Variants in DYNC1I2 observed in about 807,000 individuals in gnomAD.
DYNC1I2 encodes the protein dynein cytoplasmic 1 intermediate chain 2.
A neutral mutation model predicts 88.6 loss-of-function variants in DYNC1I2; 53 were observed. The observed-to-expected ratio is 0.60, with a 90% CI of 0.48 to 0.75. The LOEUF is 0.75. Ranked by LOEUF, DYNC1I2 falls within the 30% of genes least tolerant of loss-of-function variation. The pLI, the probability that DYNC1I2 is intolerant of heterozygous loss-of-function variation, is 0.00. For missense variants in DYNC1I2, 458 were observed against 766.6 expected, an observed-to-expected ratio of 0.60 and a Z score of 4.75; for synonymous variants, 198 against 254.6, an observed-to-expected ratio of 0.78 and a Z score of 2.12.
At chr2:171,736,986 TA>T (rs1689053904) in intron 15 of DYNC1I2, among the ~76,000 whole-genome samples, 1 of 152,226 alleles carries the variant, frequency 6.6e-6, no homozygotes, top group Non-Finnish European at 1.5e-5. Context: ...CATAACAAAT[TA>T]CCACAAACTG....
intron 15 of DYNC1I2, among the ~76,000 whole-genome samples, chr2:171,737,229 G>A (rs778925466): frequency 2.0e-5 from 3 of 151,970 alleles, no homozygotes; most frequent in African/African-American, 4.8e-5. Context: ...GTTTGTGTCC[G>A]AATTTTTCTC....
chr2:171,708,856 C>T (rs1686886615), intron 5 of DYNC1I2, among the ~76,000 whole-genome samples: 1 of 151,994 alleles, frequency 6.6e-6, no homozygotes, highest in Non-Finnish European at 1.5e-5. Context: ...TCATGCCTGG[C>T]TAATTTTTGT....
chr2:171,742,059 C>T (rs1269915332), intron 15 of DYNC1I2, among the ~76,000 whole-genome samples: 8 of 131,212 alleles, frequency 6.1e-5, no homozygotes, highest in South Asian at 2.8e-4. Flanking sequence ...GAGCGAGACG[C>T]GGTCTCAGAA....
intron 4 of DYNC1I2, 193 bp from the exon 5 acceptor site, chr2:171,707,094 G>T: frequency 1.3e-6 from 1 of 744,124 alleles, no homozygotes; most frequent in Non-Finnish European, 2.2e-6. Context: ...TGAATCTTCA[G>T]CATGCATTGT....
intron 15 of DYNC1I2, among the ~76,000 whole-genome samples, chr2:171,730,992 A>G (rs1688566411): frequency 6.6e-6 from 1 of 152,142 alleles, no homozygotes; most frequent in South Asian, 2.1e-4. Context: ...AAAATTGAGC[A>G]TTTTCAGGTT....
chr2:171,717,393 G>A (rs1687582086), intron 7 of DYNC1I2, among the ~76,000 whole-genome samples: 1 of 152,082 alleles, frequency 6.6e-6, no homozygotes, highest in South Asian at 2.1e-4. Context: ...GGGATTACAG[G>A]TGTGAGCTAC....
In DYNC1I2 at chr2:171,706,530, TTGTC is replaced by T. The variant is rs764771021; in HGVS notation, c.227-13_227-10del. On this transcript the variant is annotated splice_polypyrimidine_tract_variant and intron_variant, in intron 3 of 17. Coordinates refer to ENST00000397119, the MANE Select transcript of DYNC1I2 (RefSeq NM_001378.3). ...AAGAATATTTTGGGTGTCTGTATCT[TTGTC>T]TGTACACTTCAGTTTTTTCTGAATA... 20 of 1,610,052 alleles carry T rather than the reference TTGTC, an allele frequency of 1.2e-5. No individual in the cohort carries two copies. Among genetic ancestry groups the T allele is most frequent in the Non-Finnish European group, 1.6e-5 (19 of 1,177,152 alleles).
Position 171,748,589 on chromosome 2 carries a change from A to G in DYNC1I2, c.*700A>G, listed in dbSNP as rs1192817630. Among the ~76,000 whole-genome samples the G allele has an allele frequency of 1.3e-4, 20 of 152,202 alleles. No homozygotes were observed. Among genetic ancestry groups the G allele is most frequent in the Non-Finnish European group, 1.5e-5 (1 of 68,016 alleles). ...CTATAGATCTCCCAGTGCATTATGA[A>G]TTGATGTCTAGATAATCTGTTGGTG... On this transcript the variant is annotated 3_prime_UTR_variant, in exon 18 of 18. Coordinates refer to ENST00000397119, the MANE Select transcript of DYNC1I2 (RefSeq NM_001378.3).
intron 7 of DYNC1I2, among the ~76,000 whole-genome samples, chr2:171,717,245 C>G (rs1427553421): frequency 6.7e-6 from 1 of 149,778 alleles, no homozygotes; most frequent in African/African-American, 2.5e-5. Flanking sequence ...TCCTGAGTAG[C>G]TGGGATTACA....
intron 6 of DYNC1I2, among the ~76,000 whole-genome samples, chr2:171,713,627 T>G (rs1421306418): frequency 6.6e-6 from 1 of 152,178 alleles, no homozygotes; most frequent in Non-Finnish European, 1.5e-5. Flanking sequence ...TTCAGTTATT[T>G]ATTCTAGATT....
chr2:171,706,654 C>A, intron 4 of DYNC1I2, 90 bp downstream of exon 4: 2 of 1,243,448 alleles, frequency 1.6e-6, no homozygotes, highest in Non-Finnish European at 2.3e-6. Context: ...TGTTTTATTG[C>A]CTGTTTGCAT....
chr2:171,740,060 CTT>C (rs1002808196), intron 15 of DYNC1I2, among the ~76,000 whole-genome samples: 1 of 151,888 alleles, frequency 6.6e-6, no homozygotes, highest in Admixed American at 6.6e-5. Context: ...TTGCATCCCT[CTT>C]TTTTTTCTTG....
intron 15 of DYNC1I2, among the ~76,000 whole-genome samples, chr2:171,733,740 GT>G (rs530153938): frequency 6.9e-6 from 1 of 145,866 alleles, no homozygotes; most frequent in East Asian, 2.0e-4. Context: ...TTACTCAATA[GT>G]TTTTTTTGTT....
At chr2:171,697,650 C>G (rs1559365331) in intron 3 of DYNC1I2, among the ~76,000 whole-genome samples, 1 of 150,940 alleles carries the variant, frequency 6.6e-6, no homozygotes, top group African/African-American at 2.4e-5. Flanking sequence ...GAGTTCAAGA[C>G]TAGCGTGGGC....
chr2:171,712,030 C>G (rs1299525090), intron 5 of DYNC1I2, among the ~76,000 whole-genome samples: 2 of 152,160 alleles, frequency 1.3e-5, no homozygotes, highest in Non-Finnish European at 2.9e-5. Context: ...AGTTACTTAG[C>G]CAGCAGGCGA....
chr2:171,705,822 T>A (rs1295443231), intron 3 of DYNC1I2, among the ~76,000 whole-genome samples: 1 of 152,114 alleles, frequency 6.6e-6, no homozygotes, highest in Non-Finnish European at 1.5e-5. Context: ...TCTGACACAT[T>A]TAATCACAAT....
At chr2:171,733,685 A>T (rs567386201) in intron 15 of DYNC1I2, among the ~76,000 whole-genome samples, 5 of 151,278 alleles carry the variant, frequency 3.3e-5, no homozygotes, top group Admixed American at 2.6e-4. Context: ...TCTTCGTCAG[A>T]TTCATAGATT....
chr2:171,740,306 G>A (rs965378566), intron 15 of DYNC1I2, among the ~76,000 whole-genome samples: 1 of 152,144 alleles, frequency 6.6e-6, no homozygotes, highest in Non-Finnish European at 1.5e-5. Context: ...TCTATAGTAC[G>A]TGATGCAGAA....
intron 6 of DYNC1I2, among the ~76,000 whole-genome samples, chr2:171,714,296 A>G (rs957609143): frequency 2.1e-5 from 3 of 146,330 alleles, no homozygotes; most frequent in Middle Eastern, 3.6e-3. Flanking sequence ...ATTTTATTAT[A>G]CTTTATAGTA....
Sources: gnomAD v4.1 joint callset for allele counts (sites outside exome capture counted in the v4.1 genomes callset) on GRCh38, gnomAD v4.1.1 for gene constraint, MANE v1.5 for transcripts, NCBI Gene and HGNC (gene_info 2026-07-23, HGNC 2026-07-21) for gene names.